DNAH11: variants seen among roughly 807,000 people sequenced by gnomAD.
DNAH11 encodes the protein dynein axonemal heavy chain 11.
Under a neutral mutation model 526.0 loss-of-function variants are expected in DNAH11, and 442 were observed. The ratio of observed to expected loss-of-function variants is 0.84; its 90% CI spans 0.78 to 0.91. The LOEUF (loss-of-function observed/expected upper bound fraction) is 0.91. DNAH11 is among the 40% of genes least tolerant of loss of function. The probability of loss-of-function intolerance (pLI) is 0.00; values close to 1 mark genes in which losing one functional copy is unlikely to be tolerated. For synonymous variants in DNAH11, 2,461 were observed against 1,935.9 expected, an observed-to-expected ratio of 1.27 and a Z score of -7.12; for missense variants, 6,989 against 5,448.7, an observed-to-expected ratio of 1.28 and a Z score of -8.90.
intron 25 of DNAH11, among the ~76,000 whole-genome samples, chr7:21,633,167 A>T (rs1377787651): frequency 6.6e-6 from 1 of 152,232 alleles, no homozygotes. Context: ...GGTCCCTTCC[A>T]CAACATGTGA....
At chr7:21,715,008 C>A (rs750910771) in intron 42 of DNAH11, among the ~76,000 whole-genome samples, 9 of 152,178 alleles carry the variant, frequency 5.9e-5, no homozygotes, top group Non-Finnish European at 1.0e-4. Flanking sequence ...ACCTTATTGT[C>A]TTCTGTCCCT....
At chr7:21,756,621 C>G (rs1786652662) in intron 54 of DNAH11, among the ~76,000 whole-genome samples, 1 of 151,968 alleles carries the variant, frequency 6.6e-6, no homozygotes, top group African/African-American at 2.4e-5. Context: ...TATTTTTGTT[C>G]ATTCACCTAC....
intron 30 of DNAH11, among the ~76,000 whole-genome samples, chr7:21,680,505 A>G (rs1264831961): frequency 6.6e-6 from 1 of 152,232 alleles, no homozygotes; most frequent in South Asian, 2.1e-4. Flanking sequence ...AATTCACCAT[A>G]AGAAATATTT....
At chr7:21,891,187 A>C (rs150348756) in intron 76 of DNAH11, among the ~76,000 whole-genome samples, 2 of 152,298 alleles carry the variant, frequency 1.3e-5, no homozygotes, top group African/African-American at 4.8e-5. Context: ...TGGTGGGTAC[A>C]TATTACTGAA....
chr7:21,619,133 G>T lies in DNAH11; in HGVS notation c.4288G>T (p.Ala1430Ser). Residue 1430 changes from alanine (A) to serine (S), a missense_variant, in exon 24 of 82, where the codon GCA (alanine) becomes TCA (serine). Transcript: ENST00000409508. Reference protein sequence around the residue: ...KFLINEATTLADLLALRLHRV... With the variant: ...KFLINEATTLSDLLALRLHRV... Reference sequence around the variant, plus strand: ...TTTAATAAATGAAGCCACAACTTTGGCAGATTTGTTAGCACTGCGGTTACA... The same window carrying T: ...TTTAATAAATGAAGCCACAACTTTGTCAGATTTGTTAGCACTGCGGTTACA... The T allele has an allele frequency of 1.2e-6, 2 of 1,613,650 alleles. No homozygotes were observed. Among genetic ancestry groups the T allele is most frequent in the Admixed American group, 1.7e-5 (1 of 59,950 alleles).
chr7:21,628,179 G>GT lies in DNAH11; in HGVS notation c.4501-7682dup, dbSNP rs950199083. On this transcript the variant is annotated intron_variant, in intron 25 of 81. Transcript: ENST00000409508. The stretch of plus-strand genomic sequence containing the variant: ...GTAAACTTGTTTATCAGTTCTAACA[G>GT]TTTTTTTTTTGATGGAGTCTTTAGG... 5.5e-3 allele frequency among the ~76,000 whole-genome samples: 822 copies of GT among 148,758 alleles called. 4 individuals carry two copies. Among genetic ancestry groups the GT allele is most frequent in the African/African-American group, 0.014 (582 of 40,788 alleles).
intron 65 of DNAH11, among the ~76,000 whole-genome samples, chr7:21,833,753 G>A (rs973801918): frequency 5.3e-5 from 8 of 151,940 alleles, no homozygotes; most frequent in Non-Finnish European, 8.8e-5. Context: ...GCACATAGAG[G>A]TGTATTTAAA....
At chr7:21,722,370 A>G (rs927539433) in intron 44 of DNAH11, among the ~76,000 whole-genome samples, 2 of 152,144 alleles carry the variant, frequency 1.3e-5, no homozygotes, top group Non-Finnish European at 2.9e-5. Flanking sequence ...GAATTTTTAC[A>G]TTAAAAATAG....
chr7:21,624,035 T>A (rs1786211988), intron 25 of DNAH11, among the ~76,000 whole-genome samples: 1 of 151,718 alleles, frequency 6.6e-6, no homozygotes, highest in Admixed American at 6.6e-5. Flanking sequence ...ACTAACTCAC[T>A]AATGAGGGCA....
At chr7:21,600,190 T>C in intron 15 of DNAH11, 71 bp downstream of exon 15, 1 of 1,354,484 alleles carries the variant, frequency 7.4e-7, no homozygotes, top group Admixed American at 2.6e-5. Flanking sequence ...CTGAGTATGG[T>C]AGCTCATGCT....
chr7:21,718,497 G>C (rs559845177), intron 43 of DNAH11, among the ~76,000 whole-genome samples: 1 of 152,176 alleles, frequency 6.6e-6, no homozygotes, highest in Admixed American at 6.5e-5. Context: ...AGGAGTGTCA[G>C]TCTGGATGAA....
rs933622754 is a variant in DNAH11 at position 21,598,843 on chromosome 7, G to A, written c.2668-944G>A. 2.6e-4 allele frequency among the ~76,000 whole-genome samples: 39 copies of A among 152,046 alleles called. 1 individual carries two copies. On this transcript the variant is annotated intron_variant, in intron 14 of 81. Coordinates refer to ENST00000409508, the MANE Select transcript of DNAH11 (RefSeq NM_001277115.2). ...TAAAAGTGAGAAAATGCAGTATTTG[G>A]TTTTCTGCTCCTGCATTAGTTTGCT...
In DNAH11 at chr7:21,750,847, A is replaced by G. The variant is rs1237502940; in HGVS notation, c.8940+483A>G. Among the ~76,000 whole-genome samples, 3 of 152,256 alleles carry G rather than the reference A, an allele frequency of 2.0e-5. No homozygotes were observed. In the East Asian group the frequency reaches 5.8e-4, roughly 29 times the overall value. On this transcript the variant is annotated intron_variant, in intron 54 of 81. Coordinates refer to ENST00000409508, the MANE Select transcript of DNAH11 (RefSeq NM_001277115.2). ...AACTGCACGGTACGGATTTGCAGAA[A>G]CCCAGATTACCTCTAAAGGCCTGGA...
At chr7:21,569,267 G>A (rs1328884068) in intron 6 of DNAH11, among the ~76,000 whole-genome samples, 2 of 152,062 alleles carry the variant, frequency 1.3e-5, no homozygotes, top group African/African-American at 4.8e-5. Context: ...AAAATTGAAG[G>A]CACACAAATT....
chr7:21,544,594 A>G lies in DNAH11; in HGVS notation c.352-412A>G, dbSNP rs111805866. 2.4e-3 allele frequency among the ~76,000 whole-genome samples: 368 copies of G among 152,356 alleles called. 3 individuals are homozygous for G. The highest frequency in any genetic ancestry group is 1.0e-3 in the Non-Finnish European group (70 of 68,038). ...CGGTTCTATTCTTTGATAGAAATAC[A>G]AATTAACCTCTTGGGCTTGTCTTTA... On this transcript the variant is annotated intron_variant, in intron 1 of 81. Coordinates refer to ENST00000409508, the MANE Select transcript of DNAH11 (RefSeq NM_001277115.2).
intron 45 of DNAH11, among the ~76,000 whole-genome samples, chr7:21,726,741 G>A (rs1404125442): frequency 4.7e-5 from 7 of 149,004 alleles, no homozygotes; most frequent in Admixed American, 3.3e-4. Flanking sequence ...GGCGCCTGTA[G>A]TCCCAGCTAC....
At chr7:21,692,115 A>C (rs1783656416) in intron 35 of DNAH11, among the ~76,000 whole-genome samples, 1 of 151,884 alleles carries the variant, frequency 6.6e-6, no homozygotes, top group Non-Finnish European at 1.5e-5. Context: ...TTTCCAGAAA[A>C]CTCTGTATTG....
intron 65 of DNAH11, among the ~76,000 whole-genome samples, chr7:21,837,440 C>G (rs913122516): frequency 3.3e-5 from 5 of 152,070 alleles, no homozygotes; most frequent in African/African-American, 1.2e-4. Context: ...ATGGATGAAC[C>G]TGGTGGGCAT....
chr7:21,733,292 G>A (rs779079896), intron 45 of DNAH11, among the ~76,000 whole-genome samples: 7 of 152,206 alleles, frequency 4.6e-5, no homozygotes, highest in Non-Finnish European at 8.8e-5. Context: ...GGAGGCTGAA[G>A]CAGGAGAATT....
Sources: gnomAD v4.1 joint callset for allele counts (sites outside exome capture counted in the v4.1 genomes callset) on GRCh38, gnomAD v4.1.1 for gene constraint, MANE v1.5 for transcripts, NCBI Gene and HGNC (gene_info 2026-07-23, HGNC 2026-07-21) for gene names.